MAP3K9: variants seen among roughly 807,000 people sequenced by gnomAD.
MAP3K9 encodes mixed lineage kinase 1 (tyr and ser/thr specificity).
Under a neutral mutation model 95.8 loss-of-function variants are expected in MAP3K9, and 46 were observed. The ratio of observed to expected loss-of-function variants is 0.48; its 90% CI spans 0.38 to 0.61. The LOEUF (loss-of-function observed/expected upper bound fraction) is 0.61. MAP3K9 is among the 20% of genes least tolerant of loss of function. MAP3K9 has a pLI of 0.00. For missense variants in MAP3K9, 1,296 were observed against 1,474.3 expected (o/e 0.88, Z 1.98); for synonymous variants, 533 against 593.8 (o/e 0.90, Z 1.49).
chr14:70,803,356 A>AAAAAAAAAAC (rs2054953938), intron 1 of MAP3K9, among the ~76,000 whole-genome samples: 1 of 150,580 alleles, frequency 6.6e-6, no homozygotes, highest in Non-Finnish European at 1.5e-5. Flanking sequence ...AAAAAAAAAA[A>AAAAAAAAAAC]AAAAAACTGA....
At chr14:70,753,246 T>G (rs537695436) in intron 3 of MAP3K9, among the ~76,000 whole-genome samples, 2 of 152,182 alleles carry the variant, frequency 1.3e-5, no homozygotes, top group African/African-American at 4.8e-5. Flanking sequence ...CTAGTAGACC[T>G]GTGGTTTCTC....
At chr14:70,738,774 C>T (rs536558090) in intron 7 of MAP3K9, among the ~76,000 whole-genome samples, 19 of 151,368 alleles carry the variant, frequency 1.3e-4, no homozygotes, top group African/African-American at 4.1e-4. Context: ...GTAAGGAAGG[C>T]GTGGAAATGC....
At chr14:70,754,696 C>T (rs965253411) in intron 3 of MAP3K9, among the ~76,000 whole-genome samples, 3 of 152,160 alleles carry the variant, frequency 2.0e-5, no homozygotes, top group Non-Finnish European at 4.4e-5. Context: ...TGGTCTCGAT[C>T]TCCTGACCTT....
At position 70,801,011 on chromosome 14, in the gene MAP3K9, T is replaced by G; in HGVS notation, c.476A>C (p.Tyr159Ser). Residue 159 changes from tyrosine to serine, a missense_variant, in exon 2 of 12, where the codon TAT (tyrosine) becomes TCT (serine). Around this residue, in one of 5 missense-constraint regions of MAP3K9, gnomAD observed 338 missense variants for 363.4 expected, o/e 0.93. Coordinates refer to ENST00000554752, the MANE Select transcript of MAP3K9 (RefSeq NM_001284230.2). ...CTCATCCCCTATCCAGAAAGCACGA[T>G]AGACCTTCCCAAAGCCCCCGATGCC... ...IIGIGGFGKV[Y>S]RAFWIGDEVA... The G allele has an allele frequency of 6.2e-7, 1 of 1,614,194 alleles. No homozygotes were observed. The highest frequency in any genetic ancestry group is 8.5e-7 in the Non-Finnish European group (1 of 1,180,032).
At chr14:70,744,282 G>A (rs1014291041) in intron 5 of MAP3K9, among the ~76,000 whole-genome samples, 4 of 151,944 alleles carry the variant, frequency 2.6e-5, no homozygotes, top group African/African-American at 7.3e-5. Context: ...ACCATGGCAC[G>A]TGTATGTAAC....
intron 3 of MAP3K9, among the ~76,000 whole-genome samples, chr14:70,753,272 T>C (rs1206003071): frequency 1.3e-5 from 2 of 152,160 alleles, no homozygotes; most frequent in African/African-American, 4.8e-5. Flanking sequence ...GGGCCTGAAA[T>C]GAGATTGTGT....
At position 70,742,532 on chromosome 14, in the gene MAP3K9, C is replaced by CT; in HGVS notation, c.1385dup (p.Glu463GlyfsTer16). 1 of 1,614,232 alleles carries CT rather than the reference C, an allele frequency of 6.2e-7. No individual in the cohort carries two copies. The highest frequency in any genetic ancestry group is 8.5e-7 in the Non-Finnish European group (1 of 1,180,042). On this transcript the variant is annotated frameshift_variant, in exon 6 of 12. Coordinates refer to ENST00000554752, the MANE Select transcript of MAP3K9 (RefSeq NM_001284230.2). LOFTEE classifies it high-confidence loss of function. ...CCTGCTCCCGACGCCGCAGCAGTTC[C>CT]TCCTGGTTCTTCTGCTGCAGTGCAG...
chr14:70,793,424 C>T (rs972302438), intron 2 of MAP3K9, among the ~76,000 whole-genome samples: 4 of 152,134 alleles, frequency 2.6e-5, no homozygotes, highest in Non-Finnish European at 5.9e-5. Context: ...TGGTGGCTCA[C>T]GCCTGTAATT....
intron 2 of MAP3K9, among the ~76,000 whole-genome samples, chr14:70,788,002 A>G (rs1249146004): frequency 6.6e-6 from 1 of 152,228 alleles, no homozygotes; most frequent in Non-Finnish European, 1.5e-5. Flanking sequence ...TGGGATTTCT[A>G]TGTTTTCATA....
At chr14:70,740,193 G>T in intron 6 of MAP3K9, 29 bp from the exon 7 acceptor site, 1 of 1,594,808 alleles carries the variant, frequency 6.3e-7, no homozygotes, top group South Asian at 1.1e-5. Flanking sequence ...ACACGTGTAT[G>T]CATTAACATT....
intron 2 of MAP3K9, among the ~76,000 whole-genome samples, chr14:70,785,004 T>C (rs965566957): frequency 6.6e-6 from 1 of 152,214 alleles, no homozygotes; most frequent in African/African-American, 2.4e-5. Context: ...GGGTCCGTCC[T>C]GCAGAACAAG....
At chr14:70,802,405 AG>A (rs1426582829) in intron 1 of MAP3K9, among the ~76,000 whole-genome samples, 1 of 152,194 alleles carries the variant, frequency 6.6e-6, no homozygotes, top group Non-Finnish European at 1.5e-5. Context: ...TTTGAACCTA[AG>A]GTACTTGATT....
intron 6 of MAP3K9, among the ~76,000 whole-genome samples, chr14:70,740,611 A>G (rs2054056844): frequency 6.6e-6 from 1 of 152,214 alleles, no homozygotes. Flanking sequence ...ACAGCAGGGT[A>G]TCAATGACTA....
chr14:70,802,018 A>G (rs1031058852), intron 1 of MAP3K9, among the ~76,000 whole-genome samples: 1 of 152,210 alleles, frequency 6.6e-6, no homozygotes, highest in African/African-American at 2.4e-5. Context: ...GGGCTTGAAC[A>G]TCACATTGTA....
intron 3 of MAP3K9, among the ~76,000 whole-genome samples, chr14:70,758,235 T>C (rs1368445309): frequency 5.3e-5 from 8 of 152,190 alleles, no homozygotes; most frequent in Non-Finnish European, 1.0e-4. Flanking sequence ...TTTGAATAGA[T>C]ATTTCTTCAG....
intron 2 of MAP3K9, among the ~76,000 whole-genome samples, chr14:70,800,292 C>T (rs1447133395): frequency 1.3e-5 from 2 of 152,138 alleles, no homozygotes; most frequent in Non-Finnish European, 2.9e-5. Flanking sequence ...ATAATAAAGG[C>T]TTGCTCTACC....
At chr14:70,795,707 C>T (rs1334127742) in intron 2 of MAP3K9, among the ~76,000 whole-genome samples, 1 of 151,936 alleles carries the variant, frequency 6.6e-6, no homozygotes, top group East Asian at 1.9e-4. Context: ...CTTTCCAAAG[C>T]TTTTTCATAT....
In MAP3K9 at chr14:70,738,106, GT is replaced by G. The variant is rs903414860; in HGVS notation, c.1844+138del. 17 of 991,464 alleles carry G rather than the reference GT, an allele frequency of 1.7e-5. No homozygotes were observed. In the African/African-American group the frequency reaches 2.1e-4, roughly 13 times the overall value. The allele number at this position is 991,464 out of a possible 1,614,324, so 61.4% of individuals were successfully genotyped here. A position where few individuals can be genotyped will look rare whatever the true frequency, so the allele number is the denominator to read the frequency against. On this transcript the variant is annotated intron_variant, in intron 8 of 11. Transcript: ENST00000554752. ...CCAGGAACTTGGAGGGTGAAAAACT[GT>G]TGTAAAGATCAAGAAGCTTGTAATT...
chr14:70,749,857 A>G, intron 4 of MAP3K9, 76 bp downstream of exon 4: 1 of 1,549,798 alleles, frequency 6.5e-7, no homozygotes, highest in Non-Finnish European at 8.9e-7. Flanking sequence ...CTGATCTCAC[A>G]GAATTGGCCA....
Sources: allele counts gnomAD v4.1 joint callset (sites outside exome capture counted in the v4.1 genomes callset), GRCh38; gene constraint gnomAD v4.1.1; regional missense constraint gnomAD v4.1.1; transcripts MANE v1.5; gene names NCBI Gene and HGNC (gene_info 2026-07-23, HGNC 2026-07-21).